Variants in COMMD1 observed in about 807,000 individuals in gnomAD.
COMMD1 encodes the protein copper metabolism domain containing 1.
COMMD1 carries 10 observed loss-of-function variants against 17.2 expected under a neutral mutation model. The ratio of observed to expected loss-of-function variants is 0.58; its 90% CI spans 0.36 to 0.99. COMMD1 has a LOEUF of 0.99. Among genes scored for constraint, COMMD1 ranks in the 50% least tolerant of loss-of-function variants. The pLI is 0.01. For missense variants in COMMD1, 270 were observed against 231.8 expected (o/e 1.17, Z -1.07); for synonymous variants, 97 against 91.6 (o/e 1.06, Z -0.34).
chr2:62,121,089 G>C (rs1036877529), intron 2 of COMMD1, among the ~76,000 whole-genome samples: 2 of 151,952 alleles, frequency 1.3e-5, no homozygotes, highest in Non-Finnish European at 2.9e-5. Context: ...CTCCCTAAAG[G>C]CCAGGCACAG....
intron 2 of COMMD1, among the ~76,000 whole-genome samples, chr2:62,014,664 C>T (rs541572643): frequency 7.3e-6 from 1 of 136,996 alleles, no homozygotes; most frequent in South Asian, 2.4e-4. Flanking sequence ...TGGGTTCAGG[C>T]GATTCTTCTG....
At chr2:61,952,174 A>G (rs1488805335) in intron 1 of COMMD1, among the ~76,000 whole-genome samples, 2 of 152,228 alleles carry the variant, frequency 1.3e-5, no homozygotes, top group Non-Finnish European at 2.9e-5. Context: ...AATTTAGTTT[A>G]TAGTTTAACC....
intron 1 of COMMD1, among the ~76,000 whole-genome samples, chr2:61,956,586 T>C (rs1671204921): frequency 6.6e-6 from 1 of 151,626 alleles, no homozygotes; most frequent in Non-Finnish European, 1.5e-5. Context: ...ATTTTTTGTA[T>C]TTTTGGTAGA....
chr2:61,888,480 C>T (rs763660510), upstream of COMMD1: 11 of 1,611,902 alleles, frequency 6.8e-6, no homozygotes, highest in South Asian at 1.2e-4. Flanking sequence ...GCAGTCGCCC[C>T]GCTCCGGGGT....
intron 2 of COMMD1, among the ~76,000 whole-genome samples, chr2:62,130,538 G>A (rs948716696): frequency 6.6e-6 from 1 of 152,078 alleles, no homozygotes; most frequent in African/African-American, 2.4e-5. Context: ...CAAGACATTA[G>A]AGCCAACATT....
At chr2:62,106,121 C>A (rs1394161609) in intron 2 of COMMD1, among the ~76,000 whole-genome samples, 2 of 152,160 alleles carry the variant, frequency 1.3e-5, no homozygotes, top group Non-Finnish European at 2.9e-5. Flanking sequence ...CCTCAGACTT[C>A]CAATGTGCTG....
At chr2:61,931,923 C>A (rs1022101561) in intron 1 of COMMD1, among the ~76,000 whole-genome samples, 1 of 152,174 alleles carries the variant, frequency 6.6e-6, no homozygotes, top group Non-Finnish European at 1.5e-5. Flanking sequence ...AGGAACTTTG[C>A]ATTTGAGGAT....
intron 2 of COMMD1, among the ~76,000 whole-genome samples, chr2:62,104,506 C>T (rs1304960203): frequency 6.6e-6 from 1 of 151,630 alleles, no homozygotes. Context: ...TGGTGATGGG[C>T]ACCTGTAATC....
intron 2 of COMMD1, among the ~76,000 whole-genome samples, chr2:62,066,679 G>T (rs1347595518): frequency 6.6e-6 from 1 of 150,982 alleles, no homozygotes; most frequent in South Asian, 2.1e-4. Context: ...GGGATTACAG[G>T]TGTGAGCCAC....
chr2:62,068,972 A>G (rs1307124416), intron 2 of COMMD1, among the ~76,000 whole-genome samples: 1 of 151,988 alleles, frequency 6.6e-6, no homozygotes, highest in Non-Finnish European at 1.5e-5. Context: ...AGGTGAAAAG[A>G]TACTAAAGAC....
intron 2 of COMMD1, among the ~76,000 whole-genome samples, chr2:62,049,772 A>G (rs1306440392): frequency 1.3e-5 from 2 of 152,160 alleles, no homozygotes; most frequent in African/African-American, 4.8e-5. Flanking sequence ...TTCCTCTGGT[A>G]TACTGAATTT....
At chr2:61,937,553 C>T (rs1366252121) in intron 1 of COMMD1, among the ~76,000 whole-genome samples, 1 of 152,202 alleles carries the variant, frequency 6.6e-6, no homozygotes, top group Non-Finnish European at 1.5e-5. Context: ...GACAGGCATT[C>T]ATTACCCCTT....
At chr2:61,892,873 T>C (rs911953118) in intron 1 of COMMD1, among the ~76,000 whole-genome samples, 1 of 151,792 alleles carries the variant, frequency 6.6e-6, no homozygotes, top group Non-Finnish European at 1.5e-5. Context: ...ATCGTTCTTT[T>C]TTTTTCCCCC....
intron 1 of COMMD1, among the ~76,000 whole-genome samples, chr2:61,896,819 C>CTTTTTTTTTTT (rs112184843): frequency 3.6e-5 from 5 of 137,188 alleles, no homozygotes; most frequent in African/African-American, 5.3e-5. Context: ...TTTTCCTTTT[C>CTTTTTTTTTTT]TTTTTTTTTT....
chr2:61,925,110 A>C (rs1289427453), intron 1 of COMMD1, among the ~76,000 whole-genome samples: 1 of 151,224 alleles, frequency 6.6e-6, no homozygotes, highest in Non-Finnish European at 1.5e-5. Context: ...GCAATGGGAG[A>C]GTCTAGGAGA....
chr2:61,981,453 A>G (rs1382809993), intron 1 of COMMD1, among the ~76,000 whole-genome samples: 4 of 152,200 alleles, frequency 2.6e-5, no homozygotes, highest in Non-Finnish European at 5.9e-5. Flanking sequence ...AGTTCACTGT[A>G]CATGGATGGA....
intron 2 of COMMD1, among the ~76,000 whole-genome samples, chr2:62,092,641 C>T (rs559957191): frequency 6.6e-6 from 1 of 152,210 alleles, no homozygotes; most frequent in Non-Finnish European, 1.5e-5. Flanking sequence ...GGCTGTAATC[C>T]GTGGTCTTTG....
intron 2 of COMMD1, among the ~76,000 whole-genome samples, chr2:62,109,299 G>C (rs1672393107): frequency 1.3e-5 from 2 of 152,114 alleles, no homozygotes; most frequent in African/African-American, 4.8e-5. Flanking sequence ...TCGTTTTTTG[G>C]GATCCATTTC....
chr2:62,076,953 G>A (rs985780899), intron 2 of COMMD1, among the ~76,000 whole-genome samples: 3 of 152,152 alleles, frequency 2.0e-5, no homozygotes, highest in East Asian at 1.9e-4. Context: ...GCAACATGGC[G>A]AGACCCTGTC....
Sources: allele counts gnomAD v4.1 joint callset (sites outside exome capture counted in the v4.1 genomes callset), GRCh38; gene constraint gnomAD v4.1.1; transcripts MANE v1.5; gene names NCBI Gene and HGNC (gene_info 2026-07-23, HGNC 2026-07-21).